Variants in OGFOD1 observed in about 807,000 individuals in gnomAD.
OGFOD1 encodes the protein 2-oxoglutarate and iron dependent oxygenase domain containing 1.
OGFOD1 carries 54 observed loss-of-function variants against 67.7 expected under a neutral mutation model. The observed-to-expected ratio is 0.80, with a 90% CI of 0.64 to 1.00. OGFOD1 has a LOEUF of 1.00. Among genes scored for constraint, OGFOD1 ranks in the 50% least tolerant of loss-of-function variants. The probability of loss-of-function intolerance (pLI) is 0.00; values close to 1 mark genes in which losing one functional copy is unlikely to be tolerated. For synonymous variants in OGFOD1, 221 were observed against 227.0 expected, an observed-to-expected ratio of 0.97 and a Z score of 0.24; for missense variants, 606 against 646.7, an observed-to-expected ratio of 0.94 and a Z score of 0.68.
chr16:56,475,566 G>C lies in OGFOD1; in HGVS notation c.1467+1G>C, dbSNP rs1282067093. The C allele has an allele frequency of 1.2e-6, 2 of 1,613,356 alleles. No individual in the cohort carries two copies. Among genetic ancestry groups the C allele is most frequent in the Non-Finnish European group, 1.7e-6 (2 of 1,179,378 alleles). On this transcript the variant is annotated splice_donor_variant, in intron 12 of 12. Transcript: ENST00000566157. LOFTEE classifies it high-confidence loss of function. The stretch of plus-strand genomic sequence containing the variant: ...CATTGCCAAAGGTGAAGATGAAGAG[G>C]TAAGTTTCTTCTGATAGCAAACTAT...
At chr16:56,461,985 C>T (rs1402293789) in intron 3 of OGFOD1, among the ~76,000 whole-genome samples, 3 of 151,536 alleles carry the variant, frequency 2.0e-5, no homozygotes, top group African/African-American at 7.3e-5. Flanking sequence ...CCCAGCTACT[C>T]GGGAGACTGA....
Position 56,473,355 on chromosome 16 carries a change from A to G in OGFOD1, c.1286-1473A>G, listed in dbSNP as rs187097784. Among the ~76,000 whole-genome samples, 19 of 152,332 alleles carry G rather than the reference A, an allele frequency of 1.2e-4. No homozygotes were observed. The East Asian group carries it at 3.7e-3, about 29-fold the overall frequency. Reference sequence around the variant, plus strand: ...TCTAGTATACTTTTTAATGCTTGCAATCTATTGGATCAGATGACCTTAACC... The same window carrying G: ...TCTAGTATACTTTTTAATGCTTGCAGTCTATTGGATCAGATGACCTTAACC... On this transcript the variant is annotated intron_variant, in intron 10 of 12. Transcript: ENST00000566157.
rs1567558577 is a variant in OGFOD1 at position 56,476,094 on chromosome 16, C to CA, written c.1519dup (p.Arg507LysfsTer11). 2 of 1,613,924 alleles carry CA rather than the reference C, an allele frequency of 1.2e-6. No individual in the cohort carries two copies. The highest frequency in any genetic ancestry group is 1.7e-6 in the Non-Finnish European group (2 of 1,179,824). ...ATTCTTTGGCATTGGTCTACAGAGA[C>CA]AGAGAGACTCTGAAATTTGTCAAGC... On this transcript the variant is annotated frameshift_variant, in exon 13 of 13. Transcript: ENST00000566157. LOFTEE classifies it high-confidence loss of function.
At chr16:56,460,781 G>T (rs1962686264) in intron 3 of OGFOD1, among the ~76,000 whole-genome samples, 1 of 152,180 alleles carries the variant, frequency 6.6e-6, no homozygotes, top group African/African-American at 2.4e-5. Flanking sequence ...TGTGCATTTG[G>T]AGTAGGATGA....
At chr16:56,453,033 C>T (rs1962394617) in intron 1 of OGFOD1, among the ~76,000 whole-genome samples, 1 of 152,030 alleles carries the variant, frequency 6.6e-6, no homozygotes, top group African/African-American at 2.4e-5. Flanking sequence ...GTGACATCAC[C>T]CATCACTCAT....
At position 56,476,186 on chromosome 16, in the gene OGFOD1, CATTCATCTATTATGAAT is replaced by C; in HGVS notation, c.1611_1627del (p.Phe538ThrfsTer14). The C allele has an allele frequency of 6.2e-7, 1 of 1,612,014 alleles. No homozygotes were observed. Reference sequence around the variant, plus strand: ...AACAGAACAGGTTTCTGGGACTTTTCATTCATCTATTATGAATGACAGCACTGGGCAAAGCTGAACAA... The same window carrying C: ...AACAGAACAGGTTTCTGGGACTTTTCGACAGCACTGGGCAAAGCTGAACAA... On this transcript the variant is annotated frameshift_variant and stop_lost, in exon 13 of 13. Coordinates refer to ENST00000566157, the MANE Select transcript of OGFOD1 (RefSeq NM_018233.4). LOFTEE classifies it high-confidence loss of function.
At chr16:56,469,850 CAAAAAAAAAA>C (rs751278368) in intron 8 of OGFOD1, among the ~76,000 whole-genome samples, 143 bp from the exon 9 acceptor site, 10 of 53,340 alleles carry the variant, frequency 1.9e-4, no homozygotes, top group South Asian at 7.7e-4. Flanking sequence ...AACTCCATCT[CAAAAAAAAAA>C]AAAAAAAAAA....
At chr16:56,455,551 G>A (rs1962498461) in intron 2 of OGFOD1, among the ~76,000 whole-genome samples, 1 of 152,090 alleles carries the variant, frequency 6.6e-6, no homozygotes, top group Admixed American at 6.5e-5. Context: ...GACAGTAGAT[G>A]TAAAATCTGG....
chr16:56,465,119 C>T (rs1455445709), intron 4 of OGFOD1, among the ~76,000 whole-genome samples: 1 of 152,022 alleles, frequency 6.6e-6, no homozygotes, highest in Non-Finnish European at 1.5e-5. Flanking sequence ...CCTACCTCAG[C>T]CTCCTGAGTA....
chr16:56,465,373 T>C (rs1447732369), intron 4 of OGFOD1, among the ~76,000 whole-genome samples: 4 of 152,218 alleles, frequency 2.6e-5, no homozygotes, highest in African/African-American at 9.6e-5. Flanking sequence ...CGAGTTCCAA[T>C]TGAACACCAC....
chr16:56,457,830 C>T (rs1199435410), intron 2 of OGFOD1, among the ~76,000 whole-genome samples: 1 of 152,168 alleles, frequency 6.6e-6, no homozygotes, highest in South Asian at 2.1e-4. Flanking sequence ...CAGGCATGCA[C>T]CACCACGCCT....
At chr16:56,475,591 T>C (rs1185229859) in intron 12 of OGFOD1, 26 bp downstream of exon 12, 2 of 1,603,096 alleles carry the variant, frequency 1.2e-6, no homozygotes, top group East Asian at 2.2e-5. Context: ...TAGCAAACTA[T>C]CATTTTTAGT....
At chr16:56,467,842 A>G in intron 7 of OGFOD1, 63 bp from the exon 8 acceptor site, 1 of 812,064 alleles carries the variant, frequency 1.2e-6, no homozygotes. Context: ...GTGTGAAATG[A>G]TGTAAGAGCA....
chr16:56,474,506 G>A (rs1757943222), intron 10 of OGFOD1, among the ~76,000 whole-genome samples: 1 of 151,572 alleles, frequency 6.6e-6, no homozygotes, highest in South Asian at 2.1e-4. Context: ...TTGTAGTAGA[G>A]ATGGGGTTTC....
intron 6 of OGFOD1, 65 bp from the exon 7 acceptor site, chr16:56,467,100 T>G: frequency 6.2e-7 from 1 of 1,606,954 alleles, no homozygotes. Flanking sequence ...ACCCTGAAAT[T>G]AATGTGCATT....
intron 2 of OGFOD1, 138 bp downstream of exon 2, chr16:56,453,546 C>T: frequency 1.4e-6 from 1 of 738,318 alleles, no homozygotes; most frequent in Non-Finnish European, 2.2e-6. Flanking sequence ...AAGAGCATGC[C>T]TTCATTTAAC....
At chr16:56,453,155 G>T (rs1462865963) in intron 1 of OGFOD1, 108 bp from the exon 2 acceptor site, 1 of 1,132,850 alleles carries the variant, frequency 8.8e-7, no homozygotes, top group Non-Finnish European at 1.3e-6. Context: ...TAAGTATTAG[G>T]TTCCCCAAAA....
intron 3 of OGFOD1, among the ~76,000 whole-genome samples, chr16:56,459,105 C>T (rs922074394): frequency 8.5e-5 from 13 of 152,212 alleles, no homozygotes; most frequent in Non-Finnish European, 1.9e-4. Context: ...CTTTGGGAGG[C>T]CGAGGCGGGT....
chr16:56,474,785 A>G, intron 10 of OGFOD1, 43 bp from the exon 11 acceptor site: 1 of 1,556,036 alleles, frequency 6.4e-7, no homozygotes, highest in Non-Finnish European at 8.7e-7. Flanking sequence ...CAGTTCTATC[A>G]AGGTTATTTT....
Sources: gnomAD v4.1 joint callset for allele counts (sites outside exome capture counted in the v4.1 genomes callset) on GRCh38, gnomAD v4.1.1 for gene constraint, MANE v1.5 for transcripts, NCBI Gene and HGNC (gene_info 2026-07-23, HGNC 2026-07-21) for gene names.